SOCS2: variants seen among roughly 807,000 people sequenced by gnomAD.
The protein encoded by SOCS2 is CIS-2.
In SOCS2, 10 loss-of-function variants were observed where a neutral mutation model predicts 18.6. The observed-to-expected ratio is 0.54, with a 90% confidence interval of 0.33 to 0.91. The LOEUF is 0.91. Ranked by LOEUF, SOCS2 falls within the 40% of genes least tolerant of loss-of-function variation. SOCS2 has a pLI of 0.02. For missense variants in SOCS2, 231 were observed against 247.2 expected, an observed-to-expected ratio of 0.93 and a Z score of 0.44; for synonymous variants, 104 against 104.0, an observed-to-expected ratio of 1.00 and a Z score of 0.00.
At chr12:93,574,573 G>A in intron 1 of SOCS2, 149 bp from the exon 2 acceptor site, 1 of 500,038 alleles carries the variant, frequency 2.0e-6, no homozygotes, top group Non-Finnish European at 3.4e-6. Flanking sequence ...TATTTGTGGT[G>A]GCCCGGTAAA....
At chr12:93,625,763 A>C in the SOCS2 span, among the ~76,000 whole-genome samples, 1 of 151,870 alleles carries the variant, frequency 6.6e-6, no homozygotes, top group South Asian at 2.1e-4. Context: ...AAAAAAAAAA[A>C]AAAGAGAATT....
At chr12:93,593,170 T>A in the SOCS2 span, among the ~76,000 whole-genome samples, 1 of 152,148 alleles carries the variant, frequency 6.6e-6, no homozygotes, top group Non-Finnish European at 1.5e-5. Context: ...TTCCTACAAC[T>A]GGAAGGTGGT....
the SOCS2 span, among the ~76,000 whole-genome samples, chr12:93,588,624 T>C: frequency 2.0e-5 from 3 of 151,718 alleles, no homozygotes; most frequent in Non-Finnish European, 4.4e-5. Flanking sequence ...AATTTTTTTT[T>C]TTTTTTTTGA....
chr12:93,623,540 A>G, the SOCS2 span, among the ~76,000 whole-genome samples: 1 of 152,130 alleles, frequency 6.6e-6, no homozygotes, highest in Middle Eastern at 3.2e-3. Flanking sequence ...AGTTCTTTAT[A>G]GCAGTGTGAA....
At chr12:93,625,324 G>A in the SOCS2 span, among the ~76,000 whole-genome samples, 1 of 152,174 alleles carries the variant, frequency 6.6e-6, no homozygotes, top group East Asian at 1.9e-4. Context: ...CTTTCTCAGT[G>A]CATGTCTTCA....
the SOCS2 span, among the ~76,000 whole-genome samples, chr12:93,625,937 C>T: frequency 6.6e-6 from 1 of 151,974 alleles, no homozygotes; most frequent in Non-Finnish European, 1.5e-5. Flanking sequence ...GATACTCTAT[C>T]TTGTTATTTT....
the SOCS2 span, among the ~76,000 whole-genome samples, chr12:93,594,077 C>T: frequency 1.3e-5 from 2 of 152,048 alleles, no homozygotes; most frequent in Non-Finnish European, 2.9e-5. Context: ...CAGGAAGCAC[C>T]TGGGGGATTA....
At chr12:93,603,981 A>G in the SOCS2 span, among the ~76,000 whole-genome samples, 48 of 152,226 alleles carry the variant, frequency 3.2e-4, 2 homozygotes, top group Admixed American at 6.5e-5. Context: ...TGGCATATGG[A>G]AAACAACAAA....
chr12:93,574,654 C>A, intron 1 of SOCS2, 68 bp from the exon 2 acceptor site: 1 of 1,116,666 alleles, frequency 9.0e-7, no homozygotes, highest in Non-Finnish European at 1.2e-6. Flanking sequence ...ATTACTTGCT[C>A]TGTTCTAAGA....
the SOCS2 span, among the ~76,000 whole-genome samples, chr12:93,612,883 C>T: frequency 1.0e-3 from 158 of 152,346 alleles, no homozygotes; most frequent in African/African-American, 3.7e-3. Flanking sequence ...TTTTACTCCT[C>T]TTCATTTCCT....
chr12:93,573,218 C>G, intron 1 of SOCS2, 182 bp downstream of exon 1: 1 of 748,200 alleles, frequency 1.3e-6, no homozygotes, highest in South Asian at 1.8e-5. Context: ...GAAAGTGGTT[C>G]TCCAGGGACT....
At chr12:93,600,722 T>C in the SOCS2 span, among the ~76,000 whole-genome samples, 2 of 151,776 alleles carry the variant, frequency 1.3e-5, no homozygotes, top group Admixed American at 6.6e-5. Context: ...AAAGTTTTTT[T>C]TTTTTACTAT....
chr12:93,618,682 C>T, the SOCS2 span, among the ~76,000 whole-genome samples: 2 of 152,214 alleles, frequency 1.3e-5, no homozygotes, highest in Non-Finnish European at 2.9e-5. Flanking sequence ...GGTCCCAGCT[C>T]AAATATCATT....
chr12:93,620,130 A>G, the SOCS2 span, among the ~76,000 whole-genome samples: 1 of 151,722 alleles, frequency 6.6e-6, no homozygotes, highest in Non-Finnish European at 1.5e-5. Flanking sequence ...TATATAACTC[A>G]TTTTCAATGT....
chr12:93,598,564 A>G, the SOCS2 span, among the ~76,000 whole-genome samples: 1 of 152,210 alleles, frequency 6.6e-6, no homozygotes, highest in East Asian at 1.9e-4. Context: ...TTCTATTAAG[A>G]TAGAAAGACT....
At chr12:93,625,135 C>A in the SOCS2 span, among the ~76,000 whole-genome samples, 1 of 152,208 alleles carries the variant, frequency 6.6e-6, no homozygotes, top group South Asian at 2.1e-4. Flanking sequence ...CATGCTGAAT[C>A]ATTCACTGAC....
In SOCS2 at chr12:93,575,441, A is replaced by T. The variant is rs1185190966; in HGVS notation, c.*262A>T. On this transcript the variant is annotated 3_prime_UTR_variant, in exon 2 of 2. Coordinates refer to ENST00000551556, the MANE Select transcript of SOCS2 (RefSeq NM_001270471.2). ...TTTTAGATTAAAAATAAAATGTCGC[A>T]TGTAAAGGCTGAAGTCGCGTTTTAT... The T allele has an allele frequency of 4.7e-6, 1 of 213,218 alleles. No homozygotes were observed. Among genetic ancestry groups the T allele is most frequent in the Non-Finnish European group, 9.4e-6 (1 of 106,620 alleles). The allele number at this position is 213,218 out of a possible 1,614,324, so 13.2% of individuals were successfully genotyped here.
the SOCS2 span, among the ~76,000 whole-genome samples, chr12:93,606,611 C>T: frequency 6.6e-6 from 1 of 152,110 alleles, no homozygotes; most frequent in Admixed American, 6.6e-5. Context: ...TCCAGCAAGG[C>T]ACTTTGTGGT....
chr12:93,588,291 T>C (rs2136719228), downstream of SOCS2, among the ~76,000 whole-genome samples: 1 of 152,354 alleles, frequency 6.6e-6, no homozygotes, highest in Admixed American at 6.5e-5. Flanking sequence ...ACTGAAATTA[T>C]TATAGATATT....
Sources: gnomAD v4.1 joint callset for allele counts (sites outside exome capture counted in the v4.1 genomes callset) on GRCh38, gnomAD v4.1.1 for gene constraint, MANE v1.5 for transcripts, NCBI Gene and HGNC (gene_info 2026-07-23, HGNC 2026-07-21) for gene names.